Variants in SAXO1 observed in about 807,000 individuals in gnomAD.
The protein encoded by SAXO1 is stabilizer of axonemal microtubules 1.
In SAXO1, 21 loss-of-function variants were observed where a neutral mutation model predicts 17.5. The observed-to-expected ratio is 1.20, with a 90% CI of 0.85 to 1.72. The LOEUF (loss-of-function observed/expected upper bound fraction) is 1.72, where lower values mean the gene tolerates loss of function less well. Ranked by LOEUF, SAXO1 falls within the 40% of genes most tolerant of loss-of-function variation. The probability of loss-of-function intolerance (pLI) is 0.00; values close to 1 mark genes in which losing one functional copy is unlikely to be tolerated. For synonymous variants in SAXO1, 274 were observed against 216.5 expected (o/e 1.27, Z -2.33); for missense variants, 843 against 596.0 (o/e 1.41, Z -4.32).
At chr9:18,950,362 A>C (rs558209276) in intron 2 of SAXO1, among the ~76,000 whole-genome samples, 2 of 152,164 alleles carry the variant, frequency 1.3e-5, no homozygotes, top group South Asian at 4.1e-4. Flanking sequence ...CACCACCACC[A>C]CCACCATCCC....
intron 1 of SAXO1, among the ~76,000 whole-genome samples, chr9:18,955,502 G>T (rs1023572214): frequency 6.6e-6 from 1 of 152,050 alleles, no homozygotes; most frequent in Non-Finnish European, 1.5e-5. Flanking sequence ...CAAGCACTTG[G>T]GTACTGGAAG....
chr9:19,043,618 T>C (rs1022932675), intron 1 of SAXO1, among the ~76,000 whole-genome samples: 2 of 151,754 alleles, frequency 1.3e-5, no homozygotes, highest in African/African-American at 2.4e-5. Flanking sequence ...AATACAAAAA[T>C]TAGCCAGGCA....
intron 1 of SAXO1, among the ~76,000 whole-genome samples, chr9:18,961,522 G>A (rs1468016471): frequency 1.3e-5 from 2 of 149,750 alleles, no homozygotes; most frequent in African/African-American, 4.9e-5. Context: ...AGTGTGTGAT[G>A]TTCCCCTCCC....
intron 1 of SAXO1, among the ~76,000 whole-genome samples, chr9:18,966,118 G>T (rs1388797935): frequency 6.6e-6 from 1 of 152,248 alleles, no homozygotes; most frequent in African/African-American, 2.4e-5. Context: ...TCTGCTGTTA[G>T]TCTGATGGGC....
At chr9:19,014,896 C>T (rs7030694) in intron 1 of SAXO1, among the ~76,000 whole-genome samples, 71,557 of 152,026 alleles carry the variant, frequency 0.47, 17,897 homozygotes, top group Non-Finnish European at 0.56. Context: ...TAAACAAGAC[C>T]AGTGAAGAGA....
At chr9:19,011,904 G>T (rs1031473996) in intron 1 of SAXO1, among the ~76,000 whole-genome samples, 3 of 144,410 alleles carry the variant, frequency 2.1e-5, no homozygotes, top group African/African-American at 7.6e-5. Context: ...AGAGTGCAGT[G>T]GCACAATCTC....
intron 1 of SAXO1, among the ~76,000 whole-genome samples, chr9:19,039,349 G>T (rs1348797538): frequency 6.6e-6 from 1 of 152,146 alleles, no homozygotes; most frequent in Non-Finnish European, 1.5e-5. Flanking sequence ...TATAACTCTA[G>T]GCTTTTAGCT....
At chr9:19,010,725 C>G (rs780420191) in intron 1 of SAXO1, among the ~76,000 whole-genome samples, 9 of 152,070 alleles carry the variant, frequency 5.9e-5, no homozygotes, top group Non-Finnish European at 1.0e-4. Context: ...GTAAGCTTAT[C>G]AAAGAAATCA....
chr9:18,968,965 T>C (rs946595815), intron 1 of SAXO1, among the ~76,000 whole-genome samples: 14 of 152,038 alleles, frequency 9.2e-5, no homozygotes, highest in Non-Finnish European at 1.9e-4. Context: ...CTGGCATTGA[T>C]GGATGGCTGG....
At chr9:18,967,519 A>C (rs2131780490) in intron 1 of SAXO1, among the ~76,000 whole-genome samples, 1 of 152,294 alleles carries the variant, frequency 6.6e-6, no homozygotes, top group African/African-American at 2.4e-5. Context: ...AACCCAGTTC[A>C]AACTTCCTGG....
intron 1 of SAXO1, among the ~76,000 whole-genome samples, chr9:18,964,213 G>A (rs937678710): frequency 6.6e-6 from 1 of 152,188 alleles, no homozygotes; most frequent in Non-Finnish European, 1.5e-5. Flanking sequence ...GTTCATCAGG[G>A]ATATTGGCCT....
At chr9:19,041,670 A>T (rs2131071321) in intron 1 of SAXO1, among the ~76,000 whole-genome samples, 1 of 152,336 alleles carries the variant, frequency 6.6e-6, no homozygotes, top group East Asian at 1.9e-4. Flanking sequence ...ATTTCAACAC[A>T]GGTGCCAAGA....
At chr9:18,997,936 C>T (rs1423949639) in intron 1 of SAXO1, among the ~76,000 whole-genome samples, 1 of 152,176 alleles carries the variant, frequency 6.6e-6, no homozygotes, top group Non-Finnish European at 1.5e-5. Flanking sequence ...ACAAAAAGGA[C>T]ATCCACACCA....
At chr9:18,974,250 C>A in intron 1 of SAXO1, among the ~76,000 whole-genome samples, 1 of 152,172 alleles carries the variant, frequency 6.6e-6, no homozygotes, top group East Asian at 1.9e-4. Context: ...GCTAGAAAGA[C>A]CTCTGGAGTG....
At chr9:18,977,823 G>A (rs1043289235) in intron 1 of SAXO1, among the ~76,000 whole-genome samples, 10 of 151,692 alleles carry the variant, frequency 6.6e-5, no homozygotes, top group Non-Finnish European at 1.0e-4. Flanking sequence ...GCAAAACCCC[G>A]TCTCTACCAA....
At chr9:18,942,040 C>T (rs531296120) in intron 2 of SAXO1, among the ~76,000 whole-genome samples, 29 of 116,326 alleles carry the variant, frequency 2.5e-4, no homozygotes, top group African/African-American at 1.6e-3. Context: ...ACTCAGACAC[C>T]TGTATTCATC....
upstream of SAXO1, among the ~76,000 whole-genome samples, chr9:19,036,833 C>G (rs1333283297): frequency 6.6e-6 from 1 of 152,158 alleles, no homozygotes; most frequent in African/African-American, 2.4e-5. Flanking sequence ...CCAGCATCCT[C>G]CAGACCCCAA....
chr9:18,994,819 C>G (rs934909388), intron 1 of SAXO1, among the ~76,000 whole-genome samples: 1 of 152,208 alleles, frequency 6.6e-6, no homozygotes, highest in African/African-American at 2.4e-5. Context: ...AGGATGCAAT[C>G]TGGGGCTAAT....
rs780357419 is a variant in SAXO1 at position 18,941,621 on chromosome 9, C to T, written c.421+16G>A. ...AGCCTGTCTTTCCCCCAATCTGCCCCTCTGTGCTCTCCCACCTTTATAAGT... is the reference window on the plus strand; with the variant it reads ...AGCCTGTCTTTCCCCCAATCTGCCCTTCTGTGCTCTCCCACCTTTATAAGT... On this transcript the variant is annotated intron_variant, in intron 3 of 3. Coordinates refer to ENST00000380534, the MANE Select transcript of SAXO1 (RefSeq NM_153707.4). 6.2e-7 allele frequency: 1 copy of T among 1,614,040 alleles called. No individual in the cohort carries two copies. The highest frequency in any genetic ancestry group is 1.1e-5 in the South Asian group (1 of 91,068).
Sources: allele counts gnomAD v4.1 joint callset (sites outside exome capture counted in the v4.1 genomes callset), GRCh38; gene constraint gnomAD v4.1.1; transcripts MANE v1.5; gene names NCBI Gene and HGNC (gene_info 2026-07-23, HGNC 2026-07-21).